PNPLA7: variants seen among roughly 807,000 people sequenced by gnomAD.
PNPLA7 encodes the protein patatin-like phospholipase domain-containing protein 7.
PNPLA7 carries 153 observed loss-of-function variants against 161.7 expected under a neutral mutation model. The observed-to-expected ratio is 0.95, with a 90% CI of 0.83 to 1.08. The LOEUF (loss-of-function observed/expected upper bound fraction) is 1.08, where lower values mean the gene tolerates loss of function less well. Among genes scored for constraint, PNPLA7 ranks in the 50% least tolerant of loss-of-function variants. The pLI, the probability that PNPLA7 is intolerant of heterozygous loss-of-function variation, is 0.00. For missense variants in PNPLA7, 1,739 were observed against 1,856.6 expected, an observed-to-expected ratio of 0.94 and a Z score of 1.16; for synonymous variants, 809 against 782.1, an observed-to-expected ratio of 1.03 and a Z score of -0.57.
chr9:137,518,726 A>G (rs1386258388), intron 11 of PNPLA7, among the ~76,000 whole-genome samples: 1 of 48,770 alleles, frequency 2.1e-5, no homozygotes, highest in African/African-American at 1.0e-4. Context: ...CCACTCACTC[A>G]CTCCACTCTG....
In PNPLA7 at chr9:137,503,863, A is replaced by G. The variant is rs532876631; in HGVS notation, c.1473+1751T>C. Among the ~76,000 whole-genome samples the G allele has an allele frequency of 5.2e-3, 362 of 68,998 alleles. 1 individual carries two copies. The highest frequency in any genetic ancestry group is 0.021 in the African/African-American group (337 of 16,156). 45.3% of individuals were successfully genotyped at this position (68,998 alleles called of 152,430 possible). The stretch of plus-strand genomic sequence containing the variant: ...AGAAGAAGAAGGAAGAAGAAGAAGG[A>G]GGAGGAAGGAAGAAGAAAGAAGAAG... On this transcript the variant is annotated intron_variant, in intron 14 of 34. Transcript: ENST00000406427.
At chr9:137,461,875 C>A in intron 32 of PNPLA7, 56 bp downstream of exon 32, 1 of 1,439,914 alleles carries the variant, frequency 6.9e-7, no homozygotes, top group Admixed American at 2.2e-5. Context: ...TGGGCGTGGC[C>A]CGAAGAACTG....
In PNPLA7 at chr9:137,480,033, T is replaced by C. The variant is rs144127019; in HGVS notation, c.2580+279A>G. Among the ~76,000 whole-genome samples the C allele has an allele frequency of 7.2e-5, 11 of 152,338 alleles. No homozygotes were observed. In the East Asian group the frequency reaches 2.1e-3, roughly 29 times the overall value. On this transcript the variant is annotated intron_variant, in intron 23 of 34. Coordinates refer to ENST00000406427, the MANE Select transcript of PNPLA7 (RefSeq NM_001098537.3). Reference sequence around the variant, plus strand: ...CACCGTTTACGTAAAAGGTTAGTCCTGGAAAAGGCTTCCCGCACCTGCTGT... The same window carrying C: ...CACCGTTTACGTAAAAGGTTAGTCCCGGAAAAGGCTTCCCGCACCTGCTGT...
At position 137,479,122 on chromosome 9, in the gene PNPLA7, C is replaced by T; in HGVS notation, c.2697G>A (p.Trp899Ter). The change falls in exon 24 of 35, where the codon TGG becomes TGA. Residue 899 changes from tryptophan (W) to a stop codon, truncating the protein, a stop_gained. Transcript: ENST00000406427. LOFTEE classifies it high-confidence loss of function. ...RTVEWLNMRS[W>*]CSGHLHLCCP... ...AGCAGAGGTGCAGGTGGCCGGAGCACCAGCTCCGCATGTTGAGCCACTCCA... is the reference window on the plus strand; with the variant it reads ...AGCAGAGGTGCAGGTGGCCGGAGCATCAGCTCCGCATGTTGAGCCACTCCA... The T allele has an allele frequency of 6.3e-7, 1 of 1,598,004 alleles. No homozygotes were observed. Among genetic ancestry groups the T allele is most frequent in the Non-Finnish European group, 8.5e-7 (1 of 1,173,614 alleles).
At chr9:137,506,762 C>T (rs975019639) in intron 12 of PNPLA7, among the ~76,000 whole-genome samples, 1 of 152,242 alleles carries the variant, frequency 6.6e-6, no homozygotes, top group African/African-American at 2.4e-5. Flanking sequence ...GCGTATCTGA[C>T]CTCTGGACCA....
chr9:137,488,186 G>A (rs996033747), intron 20 of PNPLA7, among the ~76,000 whole-genome samples: 11 of 152,082 alleles, frequency 7.2e-5, no homozygotes, highest in African/African-American at 2.4e-4. Context: ...CTGATGTCTC[G>A]TCCCGAGCTT....
chr9:137,501,931 C>T (rs1208849137), intron 14 of PNPLA7, among the ~76,000 whole-genome samples: 1 of 152,202 alleles, frequency 6.6e-6, no homozygotes, highest in Non-Finnish European at 1.5e-5. Flanking sequence ...AGGGCATCGG[C>T]ACAGAGACAG....
At chr9:137,493,919 G>A (rs1832903096) in intron 19 of PNPLA7, among the ~76,000 whole-genome samples, 1 of 152,174 alleles carries the variant, frequency 6.6e-6, no homozygotes, top group Non-Finnish European at 1.5e-5. Context: ...CCTAGGATCT[G>A]CGGGCAGGAG....
In PNPLA7 at chr9:137,500,870, C is replaced by G. The variant is rs745862748; in HGVS notation, c.1578G>C (p.Ser526=). The G allele has an allele frequency of 6.3e-7, 1 of 1,583,058 alleles. No individual in the cohort carries two copies. Among genetic ancestry groups the G allele is most frequent in the Non-Finnish European group, 8.6e-7 (1 of 1,167,720 alleles). The change falls in exon 16 of 35, where the codon TCG becomes TCC. Residue 526 remains serine (S), a synonymous_variant. Transcript: ENST00000406427. The surrounding 1 kb of genome is among the most constrained non-coding windows in gnomAD (Gnocchi z 5.5). ...TCCGCTGGTACACGTGCAGCAGCCC[C>G]GAGACCACGAACAGGATGCTGGCGT... ...DQDASILFVV[S]GLLHVYQRKI... is the part of the protein sequence containing the mutation.
rs753884163 is a variant in PNPLA7, at chr9:137,547,347, A to C, written c.155T>G (p.Val52Gly). The part of the protein sequence containing the change: ...GALLALALVG[V>G]LILFMFRRLR... ...CCTTCTGAACATGAAAAGGATGAGGACACCAACCAAGGCCAGGGCCAGGAG... is the reference window on the plus strand; with the variant it reads ...CCTTCTGAACATGAAAAGGATGAGGCCACCAACCAAGGCCAGGGCCAGGAG... The change falls in exon 3 of 35, where the codon GTC becomes GGC. Residue 52 changes from valine to glycine, a missense_variant. By Grantham distance (109) the Val-to-Gly change is moderately radical. Transcript: ENST00000406427. This position sits in a 1 kb window ranked among gnomAD's most constrained non-coding sequence, Gnocchi z 4.6. 3.7e-6 allele frequency: 6 copies of C among 1,613,390 alleles called. No homozygotes were observed. The highest frequency in any genetic ancestry group is 5.1e-6 in the Non-Finnish European group (6 of 1,179,980).
At chr9:137,484,831 C>G in intron 20 of PNPLA7, 95 bp from the exon 21 acceptor site, 1 of 1,415,416 alleles carries the variant, frequency 7.1e-7, no homozygotes, top group Non-Finnish European at 9.4e-7. Context: ...ACAGGAGCAA[C>G]GCAGCAGCAC....
intron 8 of PNPLA7, among the ~76,000 whole-genome samples, chr9:137,534,865 C>A (rs1171547890): frequency 2.0e-5 from 3 of 152,020 alleles, no homozygotes; most frequent in Non-Finnish European, 4.4e-5. Context: ...AGACCTTAAC[C>A]CCAGCAGGGC....
At chr9:137,530,024 G>A (rs943071968) in intron 8 of PNPLA7, among the ~76,000 whole-genome samples, 1 of 151,410 alleles carries the variant, frequency 6.6e-6, no homozygotes, top group African/African-American at 2.4e-5. Context: ...TGGTGCAGTG[G>A]CATGATCTCG....
rs574889556 is a variant in PNPLA7, at chr9:137,542,582, A to G, written c.666+60T>C. 2.1e-6 allele frequency: 3 copies of G among 1,431,108 alleles called. No homozygotes were observed. The African/African-American group carries it at 4.4e-5, about 21-fold the overall frequency. 88.7% of individuals were successfully genotyped at this position (1,431,108 alleles called of 1,614,324 possible). A position where few individuals can be genotyped will look rare whatever the true frequency, so the allele number is the denominator to read the frequency against. ...ATGAGAAACGTTTTACAGCCCGAGA[A>G]GACAGACGTGGAGGTAAATGCGCAG... On this transcript the variant is annotated intron_variant, in intron 7 of 34. Transcript: ENST00000406427.
intron 23 of PNPLA7, 57 bp downstream of exon 23, chr9:137,480,255 A>G: frequency 1.9e-6 from 3 of 1,551,954 alleles, no homozygotes; most frequent in Non-Finnish European, 2.6e-6. Context: ...GAAAAGAGAA[A>G]CAGGAGGTTC....
At chr9:137,519,865 G>GA in intron 11 of PNPLA7, 52 bp downstream of exon 11, 1 of 1,572,008 alleles carries the variant, frequency 6.4e-7, no homozygotes, top group Non-Finnish European at 8.6e-7. Flanking sequence ...GTGGGAGCAG[G>GA]ATCCCCCGGA....
At chr9:137,539,632 G>A (rs1836081967) in intron 8 of PNPLA7, among the ~76,000 whole-genome samples, 1 of 152,152 alleles carries the variant, frequency 6.6e-6, no homozygotes, top group Non-Finnish European at 1.5e-5. Context: ...TCATGCCACT[G>A]CCTGGGCGAC....
rs1187609353 is a variant in PNPLA7, at chr9:137,485,310, A to G, written c.2198-574T>C. Among the ~76,000 whole-genome samples the G allele has an allele frequency of 3.3e-5, 5 of 152,094 alleles. No individual in the cohort carries two copies. In the East Asian group the frequency reaches 7.7e-4, roughly 23 times the overall value. Reference sequence around the variant, plus strand: ...AACGCTGCAGGTGAGGCCTCATCGGAGTAAACCAGACAAACGCTGCAGGTA... The same window carrying G: ...AACGCTGCAGGTGAGGCCTCATCGGGGTAAACCAGACAAACGCTGCAGGTA... On this transcript the variant is annotated intron_variant, in intron 20 of 34. Transcript: ENST00000406427.
chr9:137,463,716 T>C (rs1230537890), intron 28 of PNPLA7, among the ~76,000 whole-genome samples, 185 bp from the exon 29 acceptor site: 1 of 151,966 alleles, frequency 6.6e-6, no homozygotes, highest in African/African-American at 2.4e-5. Context: ...TCGCACTGCA[T>C]TACATGTGCC....
Sources: gnomAD v4.1 joint callset for allele counts (sites outside exome capture counted in the v4.1 genomes callset) on GRCh38, gnomAD v4.1.1 for gene constraint, Gnocchi (gnomAD v3.1) non-coding constraint, MANE v1.5 for transcripts, NCBI Gene and HGNC (gene_info 2026-07-23, HGNC 2026-07-21) for gene names.